BANP: variants seen among roughly 807,000 people sequenced by gnomAD.
BANP encodes the protein BTG3 associated nuclear protein.
Under a neutral mutation model 68.1 loss-of-function variants are expected in BANP, and 11 were observed. The observed-to-expected ratio is 0.16, with a 90% CI of 0.10 to 0.27. The LOEUF is 0.27. Among genes scored for constraint, BANP ranks in the 10% least tolerant of loss-of-function variants. The pLI is 1.00. For synonymous variants in BANP, 329 were observed against 303.2 expected (o/e 1.09, Z -0.88); for missense variants, 504 against 722.7 (o/e 0.70, Z 3.47).
chr16:88,061,732 C>G (rs1295890517), intron 11 of BANP, among the ~76,000 whole-genome samples: 4 of 151,254 alleles, frequency 2.6e-5, no homozygotes, highest in African/African-American at 9.7e-5. Context: ...ATGGCACGAT[C>G]TCGGCTCACC....
chr16:87,986,667 T>A (rs1341545542), intron 4 of BANP, among the ~76,000 whole-genome samples: 1 of 152,190 alleles, frequency 6.6e-6, no homozygotes, highest in Non-Finnish European at 1.5e-5. Flanking sequence ...TGAAAACATG[T>A]GATGTTAGTC....
intron 6 of BANP, among the ~76,000 whole-genome samples, chr16:88,008,623 T>C (rs376406826): frequency 2.6e-4 from 39 of 152,330 alleles, no homozygotes; most frequent in African/African-American, 9.1e-4. Context: ...TGGAGCTTAC[T>C]TAGTATTGAT....
At chr16:87,964,223 G>C (rs919784878) in intron 1 of BANP, among the ~76,000 whole-genome samples, 1 of 152,210 alleles carries the variant, frequency 6.6e-6, no homozygotes, top group Non-Finnish European at 1.5e-5. Flanking sequence ...GACGTCAGTG[G>C]TGTGTTCTCA....
intron 11 of BANP, among the ~76,000 whole-genome samples, chr16:88,060,323 C>G (rs78281757): frequency 1.2e-3 from 188 of 152,338 alleles, no homozygotes; most frequent in African/African-American, 4.0e-3. Context: ...GGTCACTCCT[C>G]CACTTGGATG....
chr16:88,037,281 G>GTGAT (rs1267357478), intron 10 of BANP: 1 of 152,166 alleles, frequency 6.6e-6, no homozygotes, highest in Non-Finnish European at 1.5e-5. Flanking sequence ...TCTTGTATAG[G>GTGAT]TGATTGTCTT....
chr16:88,012,932 T>A (rs1474873797), intron 6 of BANP, among the ~76,000 whole-genome samples: 1 of 151,918 alleles, frequency 6.6e-6, no homozygotes, highest in Admixed American at 6.5e-5. Context: ...TCGTTTTGTT[T>A]CCCTTTTTCC....
At chr16:87,956,164 C>T (rs1426133873) in intron 1 of BANP, among the ~76,000 whole-genome samples, 1 of 152,170 alleles carries the variant, frequency 6.6e-6, no homozygotes, top group African/African-American at 2.4e-5. Context: ...TCCAGTTACA[C>T]GATTAAGTGA....
At chr16:87,960,198 G>T (rs549526259) in intron 1 of BANP, among the ~76,000 whole-genome samples, 1 of 152,324 alleles carries the variant, frequency 6.6e-6, no homozygotes, top group South Asian at 2.1e-4. Context: ...ACAGGGAGGG[G>T]AGATGCGAAA....
Position 88,021,015 on chromosome 16 carries a change from C to T in BANP, c.895+2348C>T, listed in dbSNP as rs369624377. On this transcript the variant is annotated intron_variant, in intron 7 of 13. Coordinates refer to ENST00000682872, the MANE Select transcript of BANP (RefSeq NM_001386991.1). ...GAATGGGGCAGGCTGCGATTCCTTGCGTGTTGTGGCTATGAGTTGACCTTC... is the reference window on the plus strand; with the variant it reads ...GAATGGGGCAGGCTGCGATTCCTTGTGTGTTGTGGCTATGAGTTGACCTTC... 6.6e-5 allele frequency among the ~76,000 whole-genome samples: 10 copies of T among 152,252 alleles called. No homozygotes were observed. The East Asian group carries it at 1.4e-3, about 21-fold the overall frequency.
intron 1 of BANP, among the ~76,000 whole-genome samples, chr16:87,965,800 G>A (rs923778905): frequency 1.3e-4 from 20 of 152,204 alleles, no homozygotes; most frequent in Admixed American, 1.3e-3. Context: ...GGCCTTGCCT[G>A]TAGACACATC....
chr16:88,036,833 G>A lies in BANP; in HGVS notation c.1273-1140G>A, dbSNP rs1316619865. On this transcript the variant is annotated intron_variant, in intron 10 of 13. Coordinates refer to ENST00000682872, the MANE Select transcript of BANP (RefSeq NM_001386991.1). The surrounding 1 kb of genome is among the most constrained non-coding windows in gnomAD (Gnocchi z 4.2). ...GAAGGAGCAGGGCCTTCCCTGTTCT[G>A]TGTCTGTGGGTGGGTCAGGGACCAT... 6.6e-6 allele frequency among the ~76,000 whole-genome samples: 1 copy of A among 152,204 alleles called. No individual in the cohort carries two copies. Among genetic ancestry groups the A allele is most frequent in the Non-Finnish European group, 1.5e-5 (1 of 68,032 alleles).
At chr16:88,061,647 C>T (rs377641356) in intron 11 of BANP, among the ~76,000 whole-genome samples, 7 of 151,602 alleles carry the variant, frequency 4.6e-5, no homozygotes, top group Admixed American at 4.6e-4. Flanking sequence ...GAGCCTCTTT[C>T]TCTGAGCACC....
At chr16:88,034,818 C>T (rs1013994655) in intron 9 of BANP, among the ~76,000 whole-genome samples, 1 of 152,208 alleles carries the variant, frequency 6.6e-6, no homozygotes, top group African/African-American at 2.4e-5. Flanking sequence ...AGCAGCCCCC[C>T]CTTACCCATG....
chr16:87,990,640 G>A (rs1464896404), intron 4 of BANP, among the ~76,000 whole-genome samples: 5 of 152,066 alleles, frequency 3.3e-5, no homozygotes, highest in Admixed American at 3.3e-4. Context: ...CACCTAAGAT[G>A]GTTTTGTTTA....
chr16:88,047,734 A>G (rs143767486), intron 11 of BANP, among the ~76,000 whole-genome samples: 96 of 152,304 alleles, frequency 6.3e-4, no homozygotes, highest in African/African-American at 2.0e-3. Flanking sequence ...ACTCCTGCAG[A>G]CCACGTTCAG....
chr16:87,978,925 C>A (rs8052593), intron 2 of BANP, among the ~76,000 whole-genome samples: 4,114 of 152,172 alleles, frequency 0.027, 188 homozygotes, highest in African/African-American at 0.095. Context: ...TGGTCCCAAC[C>A]TCCTTCCTTT....
intron 7 of BANP, among the ~76,000 whole-genome samples, chr16:88,023,435 GA>G (rs1349175510): frequency 4.7e-5 from 7 of 149,326 alleles, no homozygotes. Flanking sequence ...CCCCGGGAGG[GA>G]GCATGTCAGC....
Position 88,076,607 on chromosome 16 carries a change from G to T in BANP, c.1539G>T (p.Gln513His), listed in dbSNP as rs748414828. The change falls in exon 14 of 14, where the codon CAG becomes CAT. Residue 513 changes from glutamine to histidine, a missense_variant. By Grantham distance (24) the Gln-to-His change is conservative. Around this residue, in one of 3 missense-constraint regions of BANP, gnomAD observed 223 missense variants for 246.2 expected, o/e 0.91. Transcript: ENST00000682872. ...TTTTGCAGACGGCCGAAGCCCTGCAGCCCACGCTACAGCCGGAGATGCAGC... is the reference window on the plus strand; with the variant it reads ...TTTTGCAGACGGCCGAAGCCCTGCATCCCACGCTACAGCCGGAGATGCAGC... Reference protein sequence around the residue: ...TAGAQTAEALQPTLQPEMQLE... With the variant: ...TAGAQTAEALHPTLQPEMQLE... 3 of 1,612,428 alleles carry T rather than the reference G, an allele frequency of 1.9e-6. 1 individual carries two copies. The South Asian group carries it at 3.3e-5, about 18-fold the overall frequency.
intron 8 of BANP, among the ~76,000 whole-genome samples, chr16:88,031,713 A>AGGT (rs1232098539): frequency 6.6e-6 from 1 of 152,028 alleles, no homozygotes; most frequent in African/African-American, 2.4e-5. Flanking sequence ...AGTGGAATCT[A>AGGT]GGTACTATGG....
Sources: gnomAD v4.1 joint callset for allele counts (sites outside exome capture counted in the v4.1 genomes callset) on GRCh38, gnomAD v4.1.1 for gene constraint, gnomAD v4.1.1 regional missense constraint, Gnocchi (gnomAD v3.1) non-coding constraint, MANE v1.5 for transcripts, NCBI Gene and HGNC (gene_info 2026-07-23, HGNC 2026-07-21) for gene names.